GRIP1: variants seen among roughly 807,000 people sequenced by gnomAD.
GRIP1 encodes the protein glutamate receptor interacting protein 1, also known as glutamate receptor-interacting protein 1.
In GRIP1, 45 loss-of-function variants were observed where a neutral mutation model predicts 129.9. The observed-to-expected ratio is 0.35, with a 90% CI of 0.27 to 0.44. The LOEUF (loss-of-function observed/expected upper bound fraction) is 0.44, where lower values mean the gene tolerates loss of function less well. Ranked by LOEUF, GRIP1 falls within the 20% of genes least tolerant of loss-of-function variation. The pLI, the probability that GRIP1 is intolerant of heterozygous loss-of-function variation, is 1.00. For missense variants in GRIP1, 1,196 were observed against 1,396.8 expected (o/e 0.86, Z 2.29); for synonymous variants, 530 against 520.8 (o/e 1.02, Z -0.24).
At position 66,377,291 on chromosome 12, in the gene GRIP1, G is replaced by A; in HGVS notation, c.2622-6C>T. 1.3e-6 allele frequency: 2 copies of A among 1,565,418 alleles called. No homozygotes were observed. Among genetic ancestry groups the A allele is most frequent in the Non-Finnish European group, 8.8e-7 (1 of 1,136,182 alleles). ...TATCGGCAGCCCCTGCAAAACTGTT[G>A]TCAAGAAACACAGGCTGGGTTAGGA... On this transcript the variant is annotated splice_polypyrimidine_tract_variant and splice_region_variant and intron_variant, in intron 20 of 24. Coordinates refer to ENST00000359742, the MANE Select transcript of GRIP1 (RefSeq NM_001366722.1).
chr12:66,379,565 G>A (rs1180459481), intron 19 of GRIP1, 129 bp from the exon 20 acceptor site: 2 of 917,230 alleles, frequency 2.2e-6, no homozygotes, highest in Non-Finnish European at 3.6e-6. Flanking sequence ...CACATAGTGT[G>A]TGCTTATTGT....
intron 16 of GRIP1, among the ~76,000 whole-genome samples, chr12:66,397,110 CAAAAAAAA>C (rs71436004): frequency 6.6e-5 from 4 of 60,218 alleles, no homozygotes; most frequent in South Asian, 1.1e-3. Flanking sequence ...GACTCTGTCT[CAAAAAAAA>C]AAAAAAAAAA....
At chr12:66,461,962 G>C (rs112521934) in intron 9 of GRIP1, among the ~76,000 whole-genome samples, 4 of 152,286 alleles carry the variant, frequency 2.6e-5, no homozygotes, top group African/African-American at 7.2e-5. Context: ...GCAGGAGAGG[G>C]AGTCGGAACA....
At chr12:66,456,391 CAAAG>C (rs1366869332) in intron 9 of GRIP1, 49 bp from the exon 10 acceptor site, 2 of 1,053,296 alleles carry the variant, frequency 1.9e-6, no homozygotes, top group African/African-American at 1.7e-5. Context: ...AACGAACAAA[CAAAG>C]AACCAAAAAA....
intron 1 of GRIP1, among the ~76,000 whole-genome samples, chr12:66,770,004 C>A (rs1337358191): frequency 6.6e-6 from 1 of 152,198 alleles, no homozygotes; most frequent in Non-Finnish European, 1.5e-5. Flanking sequence ...CCAAATCTGC[C>A]ACTCACCAGG....
intron 16 of GRIP1, among the ~76,000 whole-genome samples, chr12:66,404,085 C>G (rs906685568): frequency 6.6e-6 from 1 of 152,094 alleles, no homozygotes; most frequent in Admixed American, 6.6e-5. Flanking sequence ...GAAATCAATC[C>G]CCAAAAGAAA....
chr12:66,733,102 C>T (rs1048257172), intron 1 of GRIP1, among the ~76,000 whole-genome samples: 2 of 152,140 alleles, frequency 1.3e-5, no homozygotes, highest in East Asian at 1.9e-4. Context: ...GATCCTCCCA[C>T]CTTAGCCTCC....
rs574511886 is a variant in GRIP1 at position 66,401,607 on chromosome 12, T to C, written c.1984+4676A>G. Among the ~76,000 whole-genome samples, 60 of 121,370 alleles carry C rather than the reference T, an allele frequency of 4.9e-4. 2 individuals carry two copies. The highest frequency in any genetic ancestry group is 2.1e-3 in the African/African-American group (59 of 27,944). The allele number at this position is 121,370 out of a possible 152,430, so 79.6% of individuals were successfully genotyped here. On this transcript the variant is annotated intron_variant, in intron 16 of 24. Transcript: ENST00000359742. ...AAAAAAAAATATGTGTGTATATATA[T>C]ATACACACACACACACACACACACA...
At chr12:66,395,098 T>A (rs796885730) in intron 16 of GRIP1, among the ~76,000 whole-genome samples, 1 of 152,218 alleles carries the variant, frequency 6.6e-6, no homozygotes, top group African/African-American at 2.4e-5. Context: ...TATTCAACAT[T>A]ATTATAGTTG....
Position 66,349,235 on chromosome 12 carries a change from G to A in GRIP1, c.3171C>T (p.Val1057=). The part of the protein sequence containing the change: ...PYDRLLQVNH[V]RTRDFDCCLV... ...GGCAGCAGTCAAAGTCTCTGGTTCG[G>A]ACATGATTCACCTGAAAGGTCAAGA... Residue 1057 remains valine, a synonymous_variant, in exon 25 of 25, where the codon GTC becomes GTT. Coordinates refer to ENST00000359742, the MANE Select transcript of GRIP1 (RefSeq NM_001366722.1). The A allele has an allele frequency of 6.2e-7, 1 of 1,613,134 alleles. No individual in the cohort carries two copies. The highest frequency in any genetic ancestry group is 1.1e-5 in the South Asian group (1 of 91,060).
chr12:66,573,713 C>A (rs927686037), intron 2 of GRIP1, among the ~76,000 whole-genome samples: 11 of 152,104 alleles, frequency 7.2e-5, no homozygotes, highest in Non-Finnish European at 8.8e-5. Flanking sequence ...AGCTTGACCC[C>A]ACAGCACGAA....
chr12:66,367,742 G>A (rs538065068), intron 23 of GRIP1, among the ~76,000 whole-genome samples: 2 of 152,278 alleles, frequency 1.3e-5, no homozygotes, highest in South Asian at 4.1e-4. Flanking sequence ...GAATTGTGAG[G>A]TACAATATAT....
At position 66,445,442 on chromosome 12, in the gene GRIP1, A is replaced by G. The variant is rs1224250954; in HGVS notation, c.1421T>C (p.Val474Ala). ...TCCTGTGACAGGATCTGCCGTCAGC[A>G]CAACCTCTGTGGTTTCTGTGTGAAC... ...QVVHTETTEV[V>A]LTADPVTGFG... The change falls in exon 12 of 25, where the codon GTG becomes GCG. Residue 474 changes from valine to alanine, a missense_variant. By Grantham distance (64) the Val-to-Ala change is moderately conservative (BLOSUM62 0). Coordinates refer to ENST00000359742, the MANE Select transcript of GRIP1 (RefSeq NM_001366722.1). The G allele has an allele frequency of 1.2e-6, 2 of 1,614,060 alleles. No individual in the cohort carries two copies. The highest frequency in any genetic ancestry group is 1.7e-6 in the Non-Finnish European group (2 of 1,179,978).
chr12:66,353,676 A>G, intron 23 of GRIP1, 113 bp from the exon 24 acceptor site: 1 of 933,590 alleles, frequency 1.1e-6, no homozygotes, highest in Non-Finnish European at 1.8e-6. Flanking sequence ...GATTTGTAAT[A>G]TCAGCATCAG....
chr12:66,568,870 GCT>G (rs1367299515), intron 2 of GRIP1: 3 of 475,402 alleles, frequency 6.3e-6, no homozygotes, highest in African/African-American at 6.0e-5. Flanking sequence ...GATGAACTCT[GCT>G]CTGTCTTATG....
intron 1 of GRIP1, among the ~76,000 whole-genome samples, chr12:66,723,718 T>C (rs2036168313): frequency 6.6e-6 from 1 of 152,136 alleles, no homozygotes; most frequent in African/African-American, 2.4e-5. Flanking sequence ...TAGCAAGGTA[T>C]CTACATGTAA....
At chr12:66,504,328 T>TA (rs965484003) in intron 7 of GRIP1, among the ~76,000 whole-genome samples, 1 of 152,072 alleles carries the variant, frequency 6.6e-6, no homozygotes, top group African/African-American at 2.4e-5. Context: ...GTAGAGGGTG[T>TA]AAAAAATGGG....
chr12:66,822,313 T>C (rs1380052280), intron 1 of GRIP1, among the ~76,000 whole-genome samples: 1 of 152,150 alleles, frequency 6.6e-6, no homozygotes, highest in Non-Finnish European at 1.5e-5. Flanking sequence ...ATTCCTTTTA[T>C]AAAGCCAAAA....
intron 16 of GRIP1, among the ~76,000 whole-genome samples, chr12:66,398,338 GC>G (rs761059274): frequency 2.0e-5 from 3 of 151,806 alleles, no homozygotes; most frequent in Non-Finnish European, 4.4e-5. Context: ...AGCTGAGCTG[GC>G]CCCCAGAGGG....
Sources: gnomAD v4.1 joint callset for allele counts (sites outside exome capture counted in the v4.1 genomes callset) on GRCh38, gnomAD v4.1.1 for gene constraint, MANE v1.5 for transcripts, NCBI Gene and HGNC (gene_info 2026-07-23, HGNC 2026-07-21) for gene names.